The following MTMR7 variants were observed in gnomAD, a reference collection of about 807,000 sequenced individuals.
The protein encoded by MTMR7 is myotubularin related protein 7.
In MTMR7, 76 loss-of-function variants were observed where a neutral mutation model predicts 81.2. That is an observed-to-expected ratio of 0.94 (90% CI 0.78 to 1.13). The LOEUF is 1.13. Among genes scored for constraint, MTMR7 ranks in the 50% most tolerant of loss-of-function variants. The pLI is 0.00. For missense variants in MTMR7, 1,044 were observed against 820.0 expected, an observed-to-expected ratio of 1.27 and a Z score of -3.34; for synonymous variants, 372 against 289.8, an observed-to-expected ratio of 1.28 and a Z score of -2.88.
At chr8:17,401,850 T>TA (rs1292931146) in intron 1 of MTMR7, among the ~76,000 whole-genome samples, 14 of 152,304 alleles carry the variant, frequency 9.2e-5, no homozygotes, top group African/African-American at 3.4e-4. Flanking sequence ...TTGAGGTACC[T>TA]ATTAGATATA....
intron 7 of MTMR7, among the ~76,000 whole-genome samples, chr8:17,325,812 A>C (rs1292630117): frequency 6.6e-6 from 1 of 152,236 alleles, no homozygotes; most frequent in Admixed American, 6.5e-5. Context: ...AAAGAAATTC[A>C]GCAAATGTAC....
At chr8:17,315,453 C>T (rs1454823812) in intron 7 of MTMR7, among the ~76,000 whole-genome samples, 1 of 152,066 alleles carries the variant, frequency 6.6e-6, no homozygotes, top group Non-Finnish European at 1.5e-5. Context: ...CAAGAGGGAA[C>T]CGTACAGTGG....
At chr8:17,376,222 C>T (rs983361139) in intron 1 of MTMR7, among the ~76,000 whole-genome samples, 2 of 152,206 alleles carry the variant, frequency 1.3e-5, no homozygotes, top group Non-Finnish European at 2.9e-5. Flanking sequence ...ATCATGTTCT[C>T]AATCTACGTT....
rs1563323713 is a variant in MTMR7, at chr8:17,313,285, T to C, written c.975+7A>G. ...TCCCTTAATTTATTTTCTCTGCAAT[T>C]GCATACCTTTGCAATGAAGATTCCT... On this transcript the variant is annotated splice_region_variant and intron_variant, in intron 8 of 13. Transcript: ENST00000180173. 1.9e-6 allele frequency: 3 copies of C among 1,598,718 alleles called. No individual in the cohort carries two copies. Among genetic ancestry groups the C allele is most frequent in the Non-Finnish European group, 2.6e-6 (3 of 1,167,186 alleles).
intron 8 of MTMR7, 166 bp from the exon 9 acceptor site, chr8:17,311,802 T>C: frequency 9.3e-7 from 1 of 1,070,010 alleles, no homozygotes; most frequent in Non-Finnish European, 1.3e-6. Flanking sequence ...AGAGCCAGAG[T>C]GGCCTGGTGC....
At chr8:17,394,444 A>G (rs543111401) in intron 1 of MTMR7, among the ~76,000 whole-genome samples, 1 of 152,340 alleles carries the variant, frequency 6.6e-6, no homozygotes, top group East Asian at 1.9e-4. Flanking sequence ...GAAAGAAGCC[A>G]GTCACAACGG....
At chr8:17,397,667 C>T (rs534755823) in intron 1 of MTMR7, among the ~76,000 whole-genome samples, 35 of 152,290 alleles carry the variant, frequency 2.3e-4, no homozygotes, top group Non-Finnish European at 3.4e-4. Flanking sequence ...AAGGGAAGGA[C>T]ACATGCCTAA....
chr8:17,317,704 G>A (rs998605431), intron 7 of MTMR7, among the ~76,000 whole-genome samples: 1 of 152,152 alleles, frequency 6.6e-6, no homozygotes, highest in African/African-American at 2.4e-5. Flanking sequence ...TCGTTTCAGA[G>A]ATACCTGATG....
At chr8:17,373,722 C>T (rs1215440846) in intron 1 of MTMR7, among the ~76,000 whole-genome samples, 2 of 152,122 alleles carry the variant, frequency 1.3e-5, no homozygotes, top group East Asian at 3.9e-4. Context: ...TATAAACATA[C>T]ATACGGGAGA....
intron 3 of MTMR7, among the ~76,000 whole-genome samples, chr8:17,364,027 T>TTTA: frequency 8.6e-6 from 1 of 116,746 alleles, no homozygotes. Context: ...TATTATTTTT[T>TTTA]TTTTTTTTTT....
intron 1 of MTMR7, among the ~76,000 whole-genome samples, chr8:17,393,759 C>T (rs946971553): frequency 3.3e-5 from 5 of 152,124 alleles, no homozygotes; most frequent in African/African-American, 1.2e-4. Flanking sequence ...GGACTTCATA[C>T]CTAGATGACG....
intron 1 of MTMR7, among the ~76,000 whole-genome samples, chr8:17,387,821 T>C (rs77969030): frequency 0.058 from 8,788 of 152,278 alleles, 344 homozygotes; most frequent in East Asian, 0.094. Context: ...ATAAGGATTA[T>C]TGTATCTAGT....
chr8:17,361,389 C>A (rs1012679728), intron 3 of MTMR7, 115 bp from the exon 4 acceptor site: 41 of 1,070,038 alleles, frequency 3.8e-5, no homozygotes, highest in Non-Finnish European at 4.9e-5. Context: ...CAACCCCCAC[C>A]CCCAGCACAC....
chr8:17,313,894 T>C (rs1213357079), intron 7 of MTMR7, among the ~76,000 whole-genome samples: 1 of 152,140 alleles, frequency 6.6e-6, no homozygotes, highest in Non-Finnish European at 1.5e-5. Context: ...TAAATGAAAA[T>C]GATCAAACTC....
Position 17,400,286 on chromosome 8 carries a change from T to A in MTMR7, c.24+12983A>T, listed in dbSNP as rs935661286. Among the ~76,000 whole-genome samples, 4 of 152,302 alleles carry A rather than the reference T, an allele frequency of 2.6e-5. No homozygotes were observed. In the East Asian group the frequency reaches 7.7e-4, roughly 29 times the overall value. ...TTATTAAGACGCTTAGACCTCAAAA[T>A]CACCCTAAGAGGTGAGTACTGTTGT... On this transcript the variant is annotated intron_variant, in intron 1 of 13. Transcript: ENST00000180173.
intron 4 of MTMR7, among the ~76,000 whole-genome samples, chr8:17,351,391 G>C (rs2150549962): frequency 6.6e-6 from 1 of 152,300 alleles, no homozygotes; most frequent in South Asian, 2.1e-4. Flanking sequence ...GTGCACCATA[G>C]CTGGAATGAG....
intron 6 of MTMR7, chr8:17,338,716 C>A (rs1469401150): frequency 2.8e-5 from 4 of 144,698 alleles, no homozygotes; most frequent in Non-Finnish European, 5.9e-5. Flanking sequence ...GAAAATCTTC[C>A]AGCAAAGGAG....
intron 6 of MTMR7, among the ~76,000 whole-genome samples, chr8:17,331,690 C>T (rs1356503152): frequency 6.6e-6 from 1 of 152,184 alleles, no homozygotes; most frequent in Non-Finnish European, 1.5e-5. Context: ...AGGCTCTATA[C>T]ATTATTATAT....
intron 7 of MTMR7, among the ~76,000 whole-genome samples, chr8:17,327,644 A>T (rs1241177519): frequency 2.8e-5 from 2 of 72,696 alleles, no homozygotes; most frequent in African/African-American, 3.8e-4. Context: ...AACCTGGTAA[A>T]AAAAAAAACT....
Sources: allele counts gnomAD v4.1 joint callset (sites outside exome capture counted in the v4.1 genomes callset), GRCh38; gene constraint gnomAD v4.1.1; transcripts MANE v1.5; gene names NCBI Gene and HGNC (gene_info 2026-07-23, HGNC 2026-07-21).